Variants in FAM107A observed in about 807,000 individuals in gnomAD.
FAM107A encodes family with sequence similarity 107 member A.
FAM107A carries 19 observed loss-of-function variants against 13.7 expected under a neutral mutation model. That is an observed-to-expected ratio of 1.38 (90% CI 0.97 to 2.03). The LOEUF is 2.03. FAM107A is among the 30% of genes most tolerant of loss of function. FAM107A has a pLI of 0.00. For missense variants in FAM107A, 203 were observed against 184.4 expected, an observed-to-expected ratio of 1.10 and a Z score of -0.58; for synonymous variants, 82 against 74.5, an observed-to-expected ratio of 1.10 and a Z score of -0.52.
intron 1 of FAM107A, among the ~76,000 whole-genome samples, chr3:58,612,368 T>C (rs7652709): frequency 0.92 from 139,772 of 152,162 alleles, 64,432 homozygotes; most frequent in Non-Finnish European, 0.96. Context: ...TCACTTGTGC[T>C]CAGGAGTTGG....
At chr3:58,595,135 C>G (rs1465248343) in intron 1 of FAM107A, among the ~76,000 whole-genome samples, 1 of 152,122 alleles carries the variant, frequency 6.6e-6, no homozygotes, top group Non-Finnish European at 1.5e-5. Flanking sequence ...TTCCCACACC[C>G]CCCCAGTCCC....
intron 1 of FAM107A, among the ~76,000 whole-genome samples, chr3:58,603,350 AT>A (rs1304146658): frequency 6.6e-6 from 1 of 152,162 alleles, no homozygotes; most frequent in African/African-American, 2.4e-5. Context: ...CTTCATGTGC[AT>A]TCTATTATTG....
intron 1 of FAM107A, among the ~76,000 whole-genome samples, chr3:58,608,274 T>C (rs1010228025): frequency 6.6e-6 from 1 of 152,060 alleles, no homozygotes; most frequent in Non-Finnish European, 1.5e-5. Flanking sequence ...ATTTTTAATT[T>C]TCGTCATTCA....
At chr3:58,588,797 T>C (rs2065631081), upstream of FAM107A, among the ~76,000 whole-genome samples, 1 of 152,076 alleles carries the variant, frequency 6.6e-6, no homozygotes, top group Non-Finnish European at 1.5e-5. Flanking sequence ...GTAGCTGGGA[T>C]TACAGGTGCA....
intron 1 of FAM107A, among the ~76,000 whole-genome samples, chr3:58,616,227 T>TA (rs1575457455): frequency 6.6e-6 from 1 of 152,058 alleles, no homozygotes; most frequent in African/African-American, 2.4e-5. Flanking sequence ...GGACAGGAGC[T>TA]ACATTGGACT....
chr3:58,579,492 C>T (rs1559478761), upstream of FAM107A, among the ~76,000 whole-genome samples: 1 of 152,160 alleles, frequency 6.6e-6, no homozygotes, highest in Non-Finnish European at 1.5e-5. Flanking sequence ...TCCCACCCTG[C>T]TCTGCCTTAA....
chr3:58,613,522 A>G lies in FAM107A; in HGVS notation c.-70+13894T>C, dbSNP rs1401792754. 4.6e-5 allele frequency among the ~76,000 whole-genome samples: 7 copies of G among 152,120 alleles called. No individual in the cohort carries two copies. Among genetic ancestry groups the G allele is most frequent in the Non-Finnish European group, 7.4e-5 (5 of 68,004 alleles). On this transcript the variant is annotated intron_variant, in intron 1 of 3. Transcript: ENST00000465970. This position sits in a 1 kb window ranked among gnomAD's most constrained non-coding sequence, Gnocchi z 4.6. ...CCTGCCTGCTGCTCTGGCCTGACCA[A>G]CTTGCTCTCAGTGCCCTGAGTGCCA...
In FAM107A at chr3:58,569,304, C is replaced by T. The variant is rs538745912; in HGVS notation, c.170+387G>A. On this transcript the variant is annotated intron_variant, in intron 2 of 3. Transcript: ENST00000360997. This position sits in a 1 kb window ranked among gnomAD's most constrained non-coding sequence, Gnocchi z 5.7. The stretch of plus-strand genomic sequence containing the variant: ...TCTGGGGTCTCAGGCCTATTTATGC[C>T]CTCATCAATGCACCCATCCTACTGC... Among the ~76,000 whole-genome samples the T allele has an allele frequency of 1.3e-5, 2 of 152,290 alleles. No individual in the cohort carries two copies. Among genetic ancestry groups the T allele is most frequent in the South Asian group, 4.1e-4 (2 of 4,824 alleles).
At chr3:58,603,065 G>C (rs1045380122) in intron 1 of FAM107A, among the ~76,000 whole-genome samples, 5 of 152,142 alleles carry the variant, frequency 3.3e-5, no homozygotes, top group Admixed American at 6.5e-5. Context: ...TGCATTTCTT[G>C]AGTTTCGTTT....
At chr3:58,573,185 CT>C (rs2063700989) in intron 1 of FAM107A, among the ~76,000 whole-genome samples, 1 of 152,180 alleles carries the variant, frequency 6.6e-6, no homozygotes, top group South Asian at 2.1e-4. Context: ...AAACCATCGC[CT>C]TTGCCACTCA....
chr3:58,590,057 C>G (rs2065643397), upstream of FAM107A, among the ~76,000 whole-genome samples: 1 of 152,218 alleles, frequency 6.6e-6, no homozygotes, highest in African/African-American at 2.4e-5. Context: ...TTAAAGAGAA[C>G]TCTAAGCCAA....
intron 1 of FAM107A, among the ~76,000 whole-genome samples, chr3:58,585,620 G>A (rs529539435): frequency 7.2e-5 from 11 of 152,334 alleles, no homozygotes; most frequent in African/African-American, 2.4e-4. Context: ...GCAGGCCTAC[G>A]GGTGGGGCGA....
At chr3:58,582,831 GCT>G (rs1467997177) in intron 1 of FAM107A, among the ~76,000 whole-genome samples, 1 of 152,210 alleles carries the variant, frequency 6.6e-6, no homozygotes, top group Non-Finnish European at 1.5e-5. Context: ...ACAGAGTCTT[GCT>G]CTGTTGCCAG....
At chr3:58,586,118 A>C (rs1433654041) in intron 1 of FAM107A, among the ~76,000 whole-genome samples, 1 of 146,026 alleles carries the variant, frequency 6.8e-6, no homozygotes, top group Non-Finnish European at 1.5e-5. Flanking sequence ...CTCACTGGAC[A>C]GCAGACCTCC....
At chr3:58,627,251 C>T in intron 1 of FAM107A, 2 of 511,594 alleles carry the variant, frequency 3.9e-6, no homozygotes, top group Non-Finnish European at 7.0e-6. Flanking sequence ...CTTCTTGGGT[C>T]CCTGCAGCTC....
intron 1 of FAM107A, among the ~76,000 whole-genome samples, chr3:58,622,231 G>C (rs936793713): frequency 6.6e-6 from 1 of 152,170 alleles, no homozygotes; most frequent in African/African-American, 2.4e-5. Context: ...TTGAGGTCAG[G>C]AGTTCGAGAC....
chr3:58,566,748 C>T (rs2063626066), intron 3 of FAM107A, 53 bp from the exon 4 acceptor site: 5 of 1,422,178 alleles, frequency 3.5e-6, no homozygotes, highest in Non-Finnish European at 4.9e-6. Context: ...GGGATTCCTA[C>T]TCTGAAAACC....
intron 1 of FAM107A, chr3:58,626,895 G>A (rs1299672445): frequency 1.4e-6 from 2 of 1,437,334 alleles, no homozygotes; most frequent in Non-Finnish European, 1.9e-6. Flanking sequence ...GGGTAGGTGG[G>A]TCGGGGCTCC....
chr3:58,582,026 C>G (rs114497551), upstream of FAM107A, among the ~76,000 whole-genome samples: 1,167 of 151,784 alleles, frequency 7.7e-3, 12 homozygotes, highest in African/African-American at 0.027. Context: ...GTCTGTTTCT[C>G]TGTGTGTGTG....
Sources: allele counts gnomAD v4.1 joint callset (sites outside exome capture counted in the v4.1 genomes callset), GRCh38; gene constraint gnomAD v4.1.1; non-coding constraint Gnocchi (gnomAD v3.1); transcripts MANE v1.5; gene names NCBI Gene and HGNC (gene_info 2026-07-23, HGNC 2026-07-21).